The following CMIP variants were observed in gnomAD, a reference collection of about 807,000 sequenced individuals.
CMIP encodes c-Maf inducing protein.
Under a neutral mutation model 97.3 loss-of-function variants are expected in CMIP, and 13 were observed. The ratio of observed to expected loss-of-function variants is 0.13; its 90% CI spans 0.09 to 0.21. The LOEUF (loss-of-function observed/expected upper bound fraction) is 0.21. Ranked by LOEUF, CMIP falls within the 10% of genes least tolerant of loss-of-function variation. The pLI is 1.00. For missense variants in CMIP, 847 were observed against 1,024.9 expected, an observed-to-expected ratio of 0.83 and a Z score of 2.37; for synonymous variants, 538 against 436.3, an observed-to-expected ratio of 1.23 and a Z score of -2.91.
At chr16:81,605,125 C>G (rs924504938) in intron 1 of CMIP, among the ~76,000 whole-genome samples, 1 of 152,132 alleles carries the variant, frequency 6.6e-6, no homozygotes, top group Non-Finnish European at 1.5e-5. Context: ...GTGCTCAGGA[C>G]AAGACATACT....
intron 1 of CMIP, among the ~76,000 whole-genome samples, chr16:81,601,250 T>C (rs1233514661): frequency 6.6e-6 from 1 of 152,192 alleles, no homozygotes; most frequent in East Asian, 1.9e-4. Flanking sequence ...CCCTGGCACA[T>C]GTTTTGAGTC....
chr16:81,635,576 C>A (rs1043446576), intron 3 of CMIP, among the ~76,000 whole-genome samples: 1 of 152,188 alleles, frequency 6.6e-6, no homozygotes, highest in East Asian at 1.9e-4. Flanking sequence ...CCCACAAAAC[C>A]TGTCTGTATC....
At chr16:81,586,039 C>T (rs2091376808) in intron 1 of CMIP, among the ~76,000 whole-genome samples, 1 of 151,760 alleles carries the variant, frequency 6.6e-6, no homozygotes, top group South Asian at 2.1e-4. Context: ...CACAGCCGGA[C>T]TCCATTGCTC....
intron 1 of CMIP, among the ~76,000 whole-genome samples, chr16:81,516,841 C>T (rs1303406635): frequency 6.6e-6 from 1 of 152,200 alleles, no homozygotes; most frequent in Non-Finnish European, 1.5e-5. Flanking sequence ...TGTCAGGTAG[C>T]ATAGTGAAAA....
chr16:81,535,518 A>G (rs946693360), intron 1 of CMIP, among the ~76,000 whole-genome samples: 1 of 144,044 alleles, frequency 6.9e-6, no homozygotes, highest in Non-Finnish European at 1.5e-5. Context: ...CTCTAAGTGG[A>G]GCTAGTCAGA....
At chr16:81,534,989 C>T (rs902371821) in intron 1 of CMIP, among the ~76,000 whole-genome samples, 3 of 152,158 alleles carry the variant, frequency 2.0e-5, no homozygotes, top group African/African-American at 7.2e-5. Context: ...CTTGCTCTGT[C>T]TCCCAGGCTG....
At position 81,710,264 on chromosome 16, in the gene CMIP, C is replaced by T. The variant is rs139392056; in HGVS notation, c.*465C>T. The T allele has an allele frequency of 1.7e-4, 34 of 198,780 alleles. No homozygotes were observed. Among genetic ancestry groups the T allele is most frequent in the Non-Finnish European group, 3.2e-4 (30 of 94,956 alleles). The allele number at this position is 198,780 out of a possible 1,614,324, so 12.3% of individuals were successfully genotyped here. A position where few individuals can be genotyped will look rare whatever the true frequency, so the allele number is the denominator to read the frequency against. ...CCCTTGGGACAAGAAGACCCAGTCA[C>T]ATCACTGCACCCGTCCTGTGTCCTC... On this transcript the variant is annotated 3_prime_UTR_variant, in exon 21 of 21. Coordinates refer to ENST00000537098, the MANE Select transcript of CMIP (RefSeq NM_198390.3).
intron 1 of CMIP, among the ~76,000 whole-genome samples, chr16:81,471,305 TG>T (rs1438519309): frequency 6.6e-6 from 1 of 152,188 alleles, no homozygotes; most frequent in East Asian, 1.9e-4. Flanking sequence ...TGCATATAAA[TG>T]TACCCACACG....
At position 81,701,648 on chromosome 16, in the gene CMIP, G is replaced by C. The variant is rs1323694119; in HGVS notation, c.1756-12G>C. 1 of 1,613,780 alleles carries C rather than the reference G, an allele frequency of 6.2e-7. No homozygotes were observed. Among genetic ancestry groups the C allele is most frequent in the Middle Eastern group, 1.7e-4 (1 of 6,060 alleles). Reference sequence around the variant, plus strand: ...GGCCGGGTCCGTAATGCACCCCTGCGGTTCTGGACAGATCCTGTGCTTGAT... The same window carrying C: ...GGCCGGGTCCGTAATGCACCCCTGCCGTTCTGGACAGATCCTGTGCTTGAT... On this transcript the variant is annotated splice_polypyrimidine_tract_variant and intron_variant, in intron 15 of 20. Transcript: ENST00000537098.
chr16:81,468,285 T>C (rs988891232), intron 1 of CMIP, among the ~76,000 whole-genome samples: 1 of 152,206 alleles, frequency 6.6e-6, no homozygotes, highest in Non-Finnish European at 1.5e-5. Flanking sequence ...GTGCTCACTC[T>C]CCCACTGCCC....
intron 17 of CMIP, among the ~76,000 whole-genome samples, chr16:81,703,679 G>A (rs1319835404): frequency 6.6e-6 from 1 of 151,998 alleles, no homozygotes; most frequent in Non-Finnish European, 1.5e-5. Context: ...GGTGCCTCAG[G>A]GTGTGAGTCA....
At chr16:81,497,484 C>A (rs2089512501) in intron 1 of CMIP, among the ~76,000 whole-genome samples, 1 of 152,146 alleles carries the variant, frequency 6.6e-6, no homozygotes, top group Non-Finnish European at 1.5e-5. Context: ...TGGTGGCTCC[C>A]AGAAGGGTCT....
intron 1 of CMIP, among the ~76,000 whole-genome samples, chr16:81,585,800 G>A (rs906707468): frequency 2.0e-5 from 3 of 152,132 alleles, no homozygotes; most frequent in Non-Finnish European, 4.4e-5. Context: ...CCATGTCCCT[G>A]GCCCAGCAAA....
intron 3 of CMIP, among the ~76,000 whole-genome samples, chr16:81,641,232 C>CA (rs1363616959): frequency 1.3e-5 from 2 of 152,104 alleles, no homozygotes; most frequent in Admixed American, 1.3e-4. Flanking sequence ...CCTAAAGCAG[C>CA]ACCTAACGCA....
At chr16:81,540,439 A>T (rs1004269838) in intron 1 of CMIP, among the ~76,000 whole-genome samples, 13 of 152,006 alleles carry the variant, frequency 8.6e-5, no homozygotes, top group African/African-American at 3.1e-4. Flanking sequence ...AGTAGCTGAG[A>T]CTACAGGCAC....
At chr16:81,465,754 G>A (rs1292579651) in intron 1 of CMIP, among the ~76,000 whole-genome samples, 1 of 152,204 alleles carries the variant, frequency 6.6e-6, no homozygotes, top group African/African-American at 2.4e-5. Flanking sequence ...TGTCCTTGCT[G>A]TCACCTGTGG....
At chr16:81,575,275 C>G (rs141106404) in intron 1 of CMIP, among the ~76,000 whole-genome samples, 1 of 152,152 alleles carries the variant, frequency 6.6e-6, no homozygotes, top group Admixed American at 6.5e-5. Context: ...AATGGGGATG[C>G]GTCGGGCCTC....
chr16:81,504,917 T>TG (rs1377861244), intron 1 of CMIP, among the ~76,000 whole-genome samples: 1 of 152,338 alleles, frequency 6.6e-6, no homozygotes, highest in East Asian at 1.9e-4. Context: ...AAAATAAAAA[T>TG]GGGTCTTTTC....
At chr16:81,512,646 A>T (rs1276796310) in intron 1 of CMIP, among the ~76,000 whole-genome samples, 3 of 152,036 alleles carry the variant, frequency 2.0e-5, no homozygotes, top group Non-Finnish European at 2.9e-5. Flanking sequence ...GTTTTTTTTT[A>T]AATATCAACA....
Sources: allele counts gnomAD v4.1 joint callset (sites outside exome capture counted in the v4.1 genomes callset), GRCh38; gene constraint gnomAD v4.1.1; transcripts MANE v1.5; gene names NCBI Gene and HGNC (gene_info 2026-07-23, HGNC 2026-07-21).